Variants in RBFOX1 observed in about 807,000 individuals in gnomAD.
RBFOX1 encodes the protein RNA binding fox-1 homolog 1.
Under a neutral mutation model 57.7 loss-of-function variants are expected in RBFOX1, and 8 were observed. The ratio of observed to expected loss-of-function variants is 0.14; its 90% CI spans 0.08 to 0.25. The LOEUF (loss-of-function observed/expected upper bound fraction) is 0.25, where lower values mean the gene tolerates loss of function less well. Among genes scored for constraint, RBFOX1 ranks in the 10% least tolerant of loss-of-function variants. The pLI is 1.00. For missense variants in RBFOX1, 611 were observed against 548.5 expected (o/e 1.11, Z -1.14); for synonymous variants, 326 against 222.4 (o/e 1.47, Z -4.15).
At chr16:5,748,969 T>C (rs1288692437) in intron 3 of RBFOX1, among the ~76,000 whole-genome samples, 1 of 152,228 alleles carries the variant, frequency 6.6e-6, no homozygotes, top group Non-Finnish European at 1.5e-5. Flanking sequence ...TTAGCCTTGA[T>C]GGTCTTTACA....
intron 3 of RBFOX1, among the ~76,000 whole-genome samples, chr16:5,784,144 G>A (rs569778292): frequency 2.0e-5 from 3 of 152,068 alleles, no homozygotes; most frequent in Non-Finnish European, 4.4e-5. Flanking sequence ...GCAGGCAGCC[G>A]GGCGCGGTGG....
intron 1 of RBFOX1, among the ~76,000 whole-genome samples, chr16:6,294,037 C>G (rs931282871): frequency 6.6e-6 from 1 of 152,162 alleles, no homozygotes; most frequent in Non-Finnish European, 1.5e-5. Context: ...CAAATTTCAA[C>G]TAGGTGTGGT....
intron 4 of RBFOX1, among the ~76,000 whole-genome samples, chr16:7,187,477 C>G (rs1176588276): frequency 1.3e-5 from 2 of 151,290 alleles, no homozygotes; most frequent in Non-Finnish European, 2.9e-5. Context: ...ATCACGAGAT[C>G]AGGAGATCGA....
chr16:6,706,858 G>C (rs151289769), intron 3 of RBFOX1, among the ~76,000 whole-genome samples: 1 of 151,974 alleles, frequency 6.6e-6, no homozygotes, highest in Non-Finnish European at 1.5e-5. Context: ...TCTGGTGTAG[G>C]TATCTATCTC....
chr16:7,457,978 T>G (rs970257830), intron 4 of RBFOX1, among the ~76,000 whole-genome samples: 1 of 152,180 alleles, frequency 6.6e-6, no homozygotes, highest in East Asian at 1.9e-4. Context: ...CCTGAAAGGC[T>G]ACATTCCACA....
intron 1 of RBFOX1, among the ~76,000 whole-genome samples, chr16:6,022,374 A>C (rs1460022670): frequency 6.6e-6 from 1 of 152,116 alleles, no homozygotes; most frequent in Non-Finnish European, 1.5e-5. Context: ...CATTGCAATT[A>C]GTATGTTTAG....
chr16:7,086,129 G>C (rs1018287915), intron 4 of RBFOX1, among the ~76,000 whole-genome samples: 1 of 152,130 alleles, frequency 6.6e-6, no homozygotes, highest in Non-Finnish European at 1.5e-5. Flanking sequence ...ATCTTGATGG[G>C]ACTACCTATA....
At chr16:6,531,040 C>G (rs1444426189) in intron 2 of RBFOX1, among the ~76,000 whole-genome samples, 2 of 152,214 alleles carry the variant, frequency 1.3e-5, no homozygotes, top group Admixed American at 6.5e-5. Context: ...AGGTGAGCCT[C>G]TTGAAATGTA....
At chr16:6,052,578 A>G (rs535609190) in intron 1 of RBFOX1, among the ~76,000 whole-genome samples, 3 of 151,898 alleles carry the variant, frequency 2.0e-5, no homozygotes, top group South Asian at 4.2e-4. Flanking sequence ...AGGTCAGGAG[A>G]TCGACACCAT....
chr16:5,263,879 A>G (rs1380213499), intron 1 of RBFOX1, among the ~76,000 whole-genome samples: 1 of 152,208 alleles, frequency 6.6e-6, no homozygotes, highest in Non-Finnish European at 1.5e-5. Context: ...AAGAGAAGTG[A>G]AGTCTACCAT....
chr16:6,113,365 A>C (rs1462702820), intron 1 of RBFOX1, among the ~76,000 whole-genome samples: 2 of 152,236 alleles, frequency 1.3e-5, no homozygotes, highest in African/African-American at 4.8e-5. Flanking sequence ...AGCCACCATT[A>C]GGCTATGATA....
chr16:7,254,421 C>G (rs1359235253), intron 4 of RBFOX1, among the ~76,000 whole-genome samples: 1 of 152,066 alleles, frequency 6.6e-6, no homozygotes, highest in Non-Finnish European at 1.5e-5. Context: ...TCTCCATTGC[C>G]AAGATATCAC....
chr16:7,365,873 C>A (rs868129781), intron 4 of RBFOX1, among the ~76,000 whole-genome samples: 1 of 152,132 alleles, frequency 6.6e-6, no homozygotes. Flanking sequence ...ATATTAATAC[C>A]CTAAGACTCT....
intron 4 of RBFOX1, among the ~76,000 whole-genome samples, chr16:7,422,516 C>T (rs1568807440): frequency 1.3e-5 from 2 of 152,122 alleles, no homozygotes; most frequent in Non-Finnish European, 2.9e-5. Context: ...GCTTGCACTC[C>T]GTGACCCCGT....
At chr16:7,653,464 C>G (rs1453937180) in intron 11 of RBFOX1, among the ~76,000 whole-genome samples, 1 of 152,166 alleles carries the variant, frequency 6.6e-6, no homozygotes, top group Admixed American at 6.5e-5. Flanking sequence ...CGTGATTGCA[C>G]CACTGCACTC....
At chr16:7,531,798 A>T (rs190550867) in intron 5 of RBFOX1, among the ~76,000 whole-genome samples, 7 of 152,284 alleles carry the variant, frequency 4.6e-5, no homozygotes, top group African/African-American at 1.7e-4. Context: ...CAATTATGAT[A>T]ATATCATTAC....
intron 4 of RBFOX1, among the ~76,000 whole-genome samples, chr16:7,331,290 C>T (rs2096690503): frequency 6.6e-6 from 1 of 152,160 alleles, no homozygotes; most frequent in Non-Finnish European, 1.5e-5. Flanking sequence ...TCAACAAAAT[C>T]TATATCAAGT....
intron 4 of RBFOX1, among the ~76,000 whole-genome samples, chr16:5,915,497 C>T (rs186015542): frequency 1.3e-4 from 20 of 152,212 alleles, no homozygotes; most frequent in African/African-American, 4.6e-4. Flanking sequence ...CGGCAGGGTT[C>T]CTTCAGAGAG....
chr16:7,110,668 A>G (rs2064563387), intron 4 of RBFOX1, among the ~76,000 whole-genome samples: 1 of 152,300 alleles, frequency 6.6e-6, no homozygotes, highest in African/African-American at 2.4e-5. Flanking sequence ...ATATTCATTC[A>G]CCATAGTTAA....
Sources: allele counts gnomAD v4.1 joint callset (sites outside exome capture counted in the v4.1 genomes callset), GRCh38; gene constraint gnomAD v4.1.1; transcripts MANE v1.5; gene names NCBI Gene and HGNC (gene_info 2026-07-23, HGNC 2026-07-21).